The following CFAP54 variants were observed in gnomAD, a reference collection of about 807,000 sequenced individuals.
The protein encoded by CFAP54 is cilia- and flagella-associated protein 54.
CFAP54 carries 290 observed loss-of-function variants against 370.4 expected under a neutral mutation model. The observed-to-expected ratio is 0.78, with a 90% confidence interval of 0.71 to 0.86. The LOEUF (loss-of-function observed/expected upper bound fraction) is 0.86, where lower values mean the gene tolerates loss of function less well. Among genes scored for constraint, CFAP54 ranks in the 40% least tolerant of loss-of-function variants. The pLI is 0.00. For synonymous variants in CFAP54, 1,206 were observed against 1,236.5 expected (o/e 0.98, Z 0.52); for missense variants, 3,399 against 3,528.7 (o/e 0.96, Z 0.93).
intron 6 of CFAP54, 34 bp downstream of exon 6, chr12:96,519,105 T>G (rs1402643335): frequency 6.7e-7 from 1 of 1,491,666 alleles, no homozygotes; most frequent in East Asian, 2.5e-5. Flanking sequence ...GAGTCGAGTT[T>G]TTTTTTTTTT....
intron 19 of CFAP54, among the ~76,000 whole-genome samples, chr12:96,574,953 C>G (rs1955960754): frequency 6.6e-6 from 1 of 152,028 alleles, no homozygotes; most frequent in Non-Finnish European, 1.5e-5. Flanking sequence ...ATGATCAGTT[C>G]TTTGAGATTT....
intron 25 of CFAP54, among the ~76,000 whole-genome samples, chr12:96,596,453 G>A (rs1956179795): frequency 1.3e-5 from 2 of 152,034 alleles, no homozygotes; most frequent in Non-Finnish European, 2.9e-5. Context: ...TGACAGAGTT[G>A]TCATTCCCAT....
chr12:96,515,506 T>G (rs1325244097), intron 5 of CFAP54, among the ~76,000 whole-genome samples: 1 of 152,214 alleles, frequency 6.6e-6, no homozygotes, highest in Non-Finnish European at 1.5e-5. Context: ...ATTCCTGAGC[T>G]GAGGCTAAAA....
intron 60 of CFAP54, among the ~76,000 whole-genome samples, chr12:96,771,682 C>CAA (rs976837112): frequency 2.0e-5 from 3 of 150,844 alleles, no homozygotes; most frequent in Admixed American, 6.6e-5. Context: ...CAAAAAACAA[C>CAA]AAAAAAAAAC....
intron 47 of CFAP54, among the ~76,000 whole-genome samples, chr12:96,706,804 GTGTT>G (rs1305950194): frequency 1.3e-5 from 2 of 151,974 alleles, no homozygotes; most frequent in Admixed American, 6.6e-5. Context: ...GTGTGTGTGT[GTGTT>G]TGTGTGCGCA....
intron 67 of CFAP54, among the ~76,000 whole-genome samples, chr12:96,871,339 C>A (rs1960161685): frequency 6.6e-6 from 1 of 152,124 alleles, no homozygotes; most frequent in African/African-American, 2.4e-5. Context: ...GAGGGAAATA[C>A]CTTAAGAATA....
At chr12:96,692,745 A>G (rs1490157633) in intron 44 of CFAP54, among the ~76,000 whole-genome samples, 1 of 152,210 alleles carries the variant, frequency 6.6e-6, no homozygotes. Context: ...TCCATTTTGT[A>G]TTACATTAAC....
In CFAP54 at chr12:96,774,268, A is replaced by G. The variant is rs149614010; in HGVS notation, c.8281+9050A>G. Reference sequence around the variant, plus strand: ...TTTCAGTTGTTGCTTAACATTTTACATGATAGTTCTGTTCCATGAAGAAGT... The same window carrying G: ...TTTCAGTTGTTGCTTAACATTTTACGTGATAGTTCTGTTCCATGAAGAAGT... On this transcript the variant is annotated intron_variant, in intron 60 of 67. Transcript: ENST00000524981. Among the ~76,000 whole-genome samples, 483 of 152,226 alleles carry G rather than the reference A, an allele frequency of 3.2e-3. 5 individuals carry two copies. In the South Asian group the frequency reaches 0.035, roughly 11 times the overall value.
At chr12:96,539,731 T>C (rs1955550239) in intron 13 of CFAP54, among the ~76,000 whole-genome samples, 1 of 151,984 alleles carries the variant, frequency 6.6e-6, no homozygotes, top group African/African-American at 2.4e-5. Flanking sequence ...CATATGAGCT[T>C]GGATCAATTC....
chr12:96,674,035 C>T (rs184128059), intron 39 of CFAP54, among the ~76,000 whole-genome samples: 331 of 152,276 alleles, frequency 2.2e-3, no homozygotes, highest in Non-Finnish European at 3.5e-3. Context: ...ATGGATATGC[C>T]TTTTATTGAA....
intron 58 of CFAP54, among the ~76,000 whole-genome samples, chr12:96,761,829 C>T (rs997959810): frequency 6.6e-6 from 1 of 152,110 alleles, no homozygotes; most frequent in Admixed American, 6.5e-5. Flanking sequence ...ATTTTCAATC[C>T]TGTTTCATTG....
chr12:96,604,765 G>A (rs1271442104), intron 26 of CFAP54, among the ~76,000 whole-genome samples: 1 of 152,240 alleles, frequency 6.6e-6, no homozygotes, highest in African/African-American at 2.4e-5. Context: ...GGCTCCATGG[G>A]CATGGGACCT....
chr12:96,717,218 T>C (rs191330066), intron 48 of CFAP54, among the ~76,000 whole-genome samples: 51 of 152,308 alleles, frequency 3.3e-4, no homozygotes, highest in Non-Finnish European at 6.9e-4. Flanking sequence ...TTGTACCACG[T>C]TCAGGCATTT....
intron 36 of CFAP54, among the ~76,000 whole-genome samples, chr12:96,657,491 A>T (rs1956934736): frequency 6.6e-6 from 1 of 152,240 alleles, no homozygotes; most frequent in African/African-American, 2.4e-5. Context: ...ACTGTATACC[A>T]AGAACGATAG....
At chr12:96,791,184 CTT>C (rs369132463) in intron 62 of CFAP54, among the ~76,000 whole-genome samples, 18 of 131,364 alleles carry the variant, frequency 1.4e-4, no homozygotes, top group Middle Eastern at 3.9e-3. Flanking sequence ...TTGAAGAACG[CTT>C]TTTTTTTTTT....
intron 16 of CFAP54, among the ~76,000 whole-genome samples, 151 bp downstream of exon 16, chr12:96,554,461 G>C (rs1955731006): frequency 6.6e-6 from 1 of 152,090 alleles, no homozygotes; most frequent in African/African-American, 2.4e-5. Flanking sequence ...AGAGCTAGGA[G>C]AATGAGGAGT....
intron 63 of CFAP54, among the ~76,000 whole-genome samples, chr12:96,810,278 G>A (rs1488832234): frequency 6.6e-6 from 1 of 151,956 alleles, no homozygotes; most frequent in Non-Finnish European, 1.5e-5. Context: ...GTTCTTCCAG[G>A]TGCTTTCTGT....
At chr12:96,538,659 A>C in intron 13 of CFAP54, 141 bp downstream of exon 13, 2 of 784,938 alleles carry the variant, frequency 2.5e-6, no homozygotes, top group Non-Finnish European at 3.9e-6. Flanking sequence ...TAAAGAAGAT[A>C]TTCTTTCTAG....
chr12:96,812,477 GT>G (rs1433806743), intron 64 of CFAP54, among the ~76,000 whole-genome samples: 1 of 151,944 alleles, frequency 6.6e-6, no homozygotes, highest in Non-Finnish European at 1.5e-5. Context: ...TTATTACTTA[GT>G]TTATTTTTGA....
Sources: allele counts gnomAD v4.1 joint callset (sites outside exome capture counted in the v4.1 genomes callset), GRCh38; gene constraint gnomAD v4.1.1; transcripts MANE v1.5; gene names NCBI Gene and HGNC (gene_info 2026-07-23, HGNC 2026-07-21).